KCTD5: variants seen among roughly 807,000 people sequenced by gnomAD.
KCTD5 encodes the protein BTB/POZ domain-containing protein KCTD5.
In KCTD5, 12 loss-of-function variants were observed where a neutral mutation model predicts 27.9. The ratio of observed to expected loss-of-function variants is 0.43; its 90% CI spans 0.28 to 0.70. The LOEUF is 0.70. Among genes scored for constraint, KCTD5 ranks in the 30% least tolerant of loss-of-function variants. KCTD5 has a pLI of 0.19. For missense variants in KCTD5, 226 were observed against 274.8 expected (o/e 0.82, Z 1.26); for synonymous variants, 147 against 121.4 (o/e 1.21, Z -1.39).
At chr16:2,705,722 G>A (rs1330314654) in intron 5 of KCTD5, among the ~76,000 whole-genome samples, 1 of 152,224 alleles carries the variant, frequency 6.6e-6, no homozygotes. Flanking sequence ...GGGCCCCCTG[G>A]TTGGTGTCTG....
intron 1 of KCTD5, among the ~76,000 whole-genome samples, chr16:2,691,032 G>A (rs574034070): frequency 6.6e-6 from 1 of 152,302 alleles, no homozygotes; most frequent in African/African-American, 2.4e-5. Flanking sequence ...AGTAGCCCCC[G>A]CACACATTAG....
chr16:2,690,598 A>G (rs905491206), intron 1 of KCTD5, among the ~76,000 whole-genome samples: 1 of 152,226 alleles, frequency 6.6e-6, no homozygotes, highest in Non-Finnish European at 1.5e-5. Context: ...CGTGGAACGT[A>G]TGAGAAAGCC....
At chr16:2,691,021 G>C (rs1056857517) in intron 1 of KCTD5, among the ~76,000 whole-genome samples, 2 of 152,200 alleles carry the variant, frequency 1.3e-5, no homozygotes, top group Non-Finnish European at 2.9e-5. Context: ...CTGGCACCAC[G>C]AGTAGCCCCC....
At position 2,702,401 on chromosome 16, in the gene KCTD5, G is replaced by A; in HGVS notation, c.598G>A (p.Glu200Lys). 6.2e-7 allele frequency: 1 copy of A among 1,613,498 alleles called. No individual in the cohort carries two copies. The highest frequency in any genetic ancestry group is 8.5e-7 in the Non-Finnish European group (1 of 1,179,970). Residue 200 changes from glutamate to lysine, a missense_variant, in exon 5 of 6, where the codon GAG becomes AAG. Transcript: ENST00000301738. ...CAACTATGGGAACGAAGACCAAGCC[G>A]AGTTCCTCTGTGTGGTGTCCAAGGA... is the stretch of plus-strand genomic sequence containing the variant. ...SYNYGNEDQA[E>K]FLCVVSKELH...
At chr16:2,683,637 TG>T (rs1219273482) in intron 1 of KCTD5, 2 of 147,788 alleles carry the variant, frequency 1.4e-5, no homozygotes, top group African/African-American at 2.5e-5. Flanking sequence ...CGAGGAACCG[TG>T]TCTTGGGAGT....
chr16:2,703,516 T>A (rs1021805448), intron 5 of KCTD5, among the ~76,000 whole-genome samples: 1 of 152,150 alleles, frequency 6.6e-6, no homozygotes, highest in Admixed American at 6.5e-5. Flanking sequence ...GACTCTTGGC[T>A]GGGGGCCTCT....
At chr16:2,682,897 C>A (rs936455683) in intron 1 of KCTD5, 97 bp downstream of exon 1, 7 of 1,395,042 alleles carry the variant, frequency 5.0e-6, no homozygotes, top group Non-Finnish European at 6.6e-6. Flanking sequence ...TCAGCGGGAG[C>A]GGGCGACTCT....
intron 1 of KCTD5, among the ~76,000 whole-genome samples, chr16:2,687,195 C>G (rs2067543467): frequency 1.3e-5 from 2 of 152,188 alleles, no homozygotes; most frequent in African/African-American, 4.8e-5. Context: ...CGAGTCAGTT[C>G]CATAAATTCC....
In KCTD5 at chr16:2,699,823, G is replaced by T. The variant is rs948852322; in HGVS notation, c.456G>T (p.Val152=). ...ACCTGTGCCCATTGTCCTTGCAGGT[G>T]CCTGTGAAGCATGTGTACCGTGTGC... is the stretch of plus-strand genomic sequence containing the variant. The part of the protein sequence containing the change: ...IRERDSKTSQ[V]PVKHVYRVLQ... The change falls in exon 4 of 6, where the codon GTG becomes GTT. Residue 152 remains valine (V), a splice_region_variant and synonymous_variant. Transcript: ENST00000301738. The T allele has an allele frequency of 6.2e-7, 1 of 1,613,326 alleles. No individual in the cohort carries two copies. Among genetic ancestry groups the T allele is most frequent in the South Asian group, 1.1e-5 (1 of 91,064 alleles).
intron 1 of KCTD5, among the ~76,000 whole-genome samples, chr16:2,691,567 A>T (rs1283951866): frequency 2.6e-5 from 4 of 152,184 alleles, no homozygotes; most frequent in Non-Finnish European, 5.9e-5. Flanking sequence ...TAGGTCCTGC[A>T]TGGGCCCAGA....
chr16:2,694,570 CCA>C (rs2067580851), intron 1 of KCTD5, among the ~76,000 whole-genome samples: 1 of 22,128 alleles, frequency 4.5e-5, no homozygotes, highest in African/African-American at 1.4e-4. Context: ...GTCTTAGCAC[CCA>C]AATGGCAGAA....
At chr16:2,696,899 T>C (rs1019056172) in intron 2 of KCTD5, among the ~76,000 whole-genome samples, 3 of 152,246 alleles carry the variant, frequency 2.0e-5, no homozygotes, top group Admixed American at 2.0e-4. Context: ...TCTGGTCGCT[T>C]GGGCAGCCGC....
rs140215165 is a variant in KCTD5, at chr16:2,684,924, G to C, written c.252+2124G>C. ...CTGCACTCTAGCTTGGATGACAGAGGAAGACTCTGTCTCAAACAAACAAAA... is the reference window on the plus strand; with the variant it reads ...CTGCACTCTAGCTTGGATGACAGAGCAAGACTCTGTCTCAAACAAACAAAA... On this transcript the variant is annotated intron_variant, in intron 1 of 5. Transcript: ENST00000301738. 2.4e-3 allele frequency among the ~76,000 whole-genome samples: 359 copies of C among 152,148 alleles called. 2 individuals are homozygous for C. Among genetic ancestry groups the C allele is most frequent in the African/African-American group, 7.6e-3 (317 of 41,534 alleles).
intron 5 of KCTD5, among the ~76,000 whole-genome samples, chr16:2,704,855 G>A (rs866847776): frequency 1.3e-5 from 2 of 152,212 alleles, no homozygotes; most frequent in South Asian, 4.1e-4. Context: ...GGCTAGCGCC[G>A]CCTGCCAGGA....
chr16:2,695,375 C>G (rs1435737123), intron 1 of KCTD5, among the ~76,000 whole-genome samples: 1 of 122,802 alleles, frequency 8.1e-6, no homozygotes, highest in Non-Finnish European at 2.0e-5. Context: ...ACTGTGGCCT[C>G]CCTCGCTGCT....
intron 5 of KCTD5, among the ~76,000 whole-genome samples, chr16:2,704,129 C>T (rs1246136743): frequency 2.0e-5 from 3 of 152,142 alleles, no homozygotes; most frequent in Non-Finnish European, 4.4e-5. Flanking sequence ...AGAATGTGGC[C>T]CTATTTCATT....
intron 5 of KCTD5, among the ~76,000 whole-genome samples, chr16:2,706,834 G>C (rs1021826270): frequency 6.6e-6 from 1 of 151,606 alleles, no homozygotes; most frequent in African/African-American, 2.4e-5. Flanking sequence ...GGCTGGCCAG[G>C]CTGAGGTGCA....
intron 1 of KCTD5, chr16:2,684,480 A>G (rs2067531364): frequency 6.6e-6 from 1 of 151,556 alleles, no homozygotes; most frequent in Non-Finnish European, 1.5e-5. Context: ...CTAAAAATAC[A>G]AAAAGGTGGG....
Position 2,682,711 on chromosome 16 carries a change from T to C in KCTD5, c.163T>C (p.Phe55Leu). The C allele has an allele frequency of 6.2e-7, 1 of 1,610,236 alleles. No individual in the cohort carries two copies. Among genetic ancestry groups the C allele is most frequent in the Non-Finnish European group, 8.5e-7 (1 of 1,178,788 alleles). ...WVRLNVGGTY[F>L]LTTRQTLCRD... The stretch of plus-strand genomic sequence containing the variant: ...CCGACTCAACGTCGGCGGCACCTAC[T>C]TCCTCACCACTCGGCAGACCCTGTG... The change falls in exon 1 of 6, where the codon TTC becomes CTC. Residue 55 changes from phenylalanine (F) to leucine (L), a missense_variant. Transcript: ENST00000301738.
Sources: gnomAD v4.1 joint callset for allele counts (sites outside exome capture counted in the v4.1 genomes callset) on GRCh38, gnomAD v4.1.1 for gene constraint, MANE v1.5 for transcripts, NCBI Gene and HGNC (gene_info 2026-07-23, HGNC 2026-07-21) for gene names.